Variants in ELMO1 observed in about 807,000 individuals in gnomAD.
The protein encoded by ELMO1 is engulfment and cell motility 1.
In ELMO1, 26 loss-of-function variants were observed where a neutral mutation model predicts 98.9. The ratio of observed to expected loss-of-function variants is 0.26; its 90% CI spans 0.19 to 0.36. The LOEUF (loss-of-function observed/expected upper bound fraction) is 0.36. ELMO1 is among the 10% of genes least tolerant of loss of function. The probability of loss-of-function intolerance (pLI) is 1.00; values close to 1 mark genes in which losing one functional copy is unlikely to be tolerated. For synonymous variants in ELMO1, 346 were observed against 346.0 expected (o/e 1.00, Z 0.00); for missense variants, 627 against 935.2 (o/e 0.67, Z 4.30).
chr7:37,012,714 T>G (rs1013421027), intron 16 of ELMO1, among the ~76,000 whole-genome samples: 4 of 152,132 alleles, frequency 2.6e-5, no homozygotes, highest in African/African-American at 9.7e-5. Flanking sequence ...CTAAAGGACA[T>G]CTCAGTTCAA....
At position 36,932,933 on chromosome 7, in the gene ELMO1, CAG is replaced by C. The variant is rs1015951809; in HGVS notation, c.1438-37918_1438-37917del. 2.0e-4 allele frequency among the ~76,000 whole-genome samples: 30 copies of C among 152,330 alleles called. 1 individual carries two copies. The highest frequency in any genetic ancestry group is 6.8e-3 in the Middle Eastern group (2 of 294). ...ATGTCTGAGATCCTCTGGGGTGCTG[CAG>C]AGACAGTGGGCGGATGCCTTCCCAG... On this transcript the variant is annotated intron_variant, in intron 16 of 21. Transcript: ENST00000310758.
At chr7:36,887,465 G>A in intron 18 of ELMO1, 95 bp downstream of exon 18, 1 of 1,127,036 alleles carries the variant, frequency 8.9e-7, no homozygotes, top group Admixed American at 2.0e-5. Flanking sequence ...ATGCTGCATG[G>A]CCTACCCGTA....
chr7:37,166,089 T>A (rs1157840839), intron 13 of ELMO1, among the ~76,000 whole-genome samples: 4 of 152,240 alleles, frequency 2.6e-5, no homozygotes. Flanking sequence ...GTCGAGGAAT[T>A]TATCCATTTC....
rs951288285 is a variant in ELMO1 at position 37,060,889 on chromosome 7, A to G, written c.1300+35730T>C. Among the ~76,000 whole-genome samples, 8 of 152,088 alleles carry G rather than the reference A, an allele frequency of 5.3e-5. 1 individual carries two copies. Among genetic ancestry groups the G allele is most frequent in the East Asian group, 1.9e-4 (1 of 5,186 alleles). On this transcript the variant is annotated intron_variant, in intron 15 of 21. Coordinates refer to ENST00000310758, the MANE Select transcript of ELMO1 (RefSeq NM_014800.11). ...TAGGGAGGAGGGAGGCACAGAGGGG[A>G]GAGGGGAGGACAGAGACACAGAAGG...
At chr7:37,444,465 T>C (rs1387126169) in intron 1 of ELMO1, among the ~76,000 whole-genome samples, 1 of 152,112 alleles carries the variant, frequency 6.6e-6, no homozygotes, top group African/African-American at 2.4e-5. Flanking sequence ...TTCTAGTTCC[T>C]CCAAGATGGC....
At chr7:37,424,869 T>TTAATAA (rs202107297) in intron 1 of ELMO1, among the ~76,000 whole-genome samples, 2 of 150,718 alleles carry the variant, frequency 1.3e-5, no homozygotes, top group Non-Finnish European at 1.5e-5. Context: ...TTATATATTT[T>TTAATAA]TAATAATAAT....
At chr7:37,306,787 T>C (rs1238105247) in intron 4 of ELMO1, among the ~76,000 whole-genome samples, 1 of 152,184 alleles carries the variant, frequency 6.6e-6, no homozygotes, top group African/African-American at 2.4e-5. Flanking sequence ...TAAAAACCAT[T>C]GCATTGTACA....
At chr7:37,071,424 C>T (rs549729149) in intron 15 of ELMO1, among the ~76,000 whole-genome samples, 6 of 152,254 alleles carry the variant, frequency 3.9e-5, no homozygotes, top group African/African-American at 4.8e-5. Flanking sequence ...GCTGGCCTCA[C>T]GCTCTCAAAA....
intron 13 of ELMO1, among the ~76,000 whole-genome samples, chr7:37,146,587 C>T (rs1011383436): frequency 1.1e-4 from 16 of 152,168 alleles, no homozygotes; most frequent in Non-Finnish European, 1.9e-4. Context: ...CTGTTGAAGG[C>T]CTCTGACTTT....
intron 1 of ELMO1, among the ~76,000 whole-genome samples, chr7:37,354,768 C>T (rs563693334): frequency 4.4e-4 from 67 of 152,186 alleles, no homozygotes; most frequent in Non-Finnish European, 8.8e-4. Context: ...AGTTCCCTAT[C>T]GCAGAAACCA....
chr7:36,981,802 T>C (rs1791075650), intron 16 of ELMO1, among the ~76,000 whole-genome samples: 1 of 152,242 alleles, frequency 6.6e-6, no homozygotes, highest in African/African-American at 2.4e-5. Context: ...GCTGTCCATC[T>C]TGAGTTCACC....
chr7:37,310,832 G>A (rs953445193), intron 4 of ELMO1, among the ~76,000 whole-genome samples: 4 of 152,244 alleles, frequency 2.6e-5, no homozygotes, highest in Non-Finnish European at 1.5e-5. Context: ...ACAAGTTGTT[G>A]AGTAACCTCT....
chr7:37,026,162 A>G (rs144500101), intron 15 of ELMO1, among the ~76,000 whole-genome samples: 15 of 152,288 alleles, frequency 9.8e-5, no homozygotes, highest in Non-Finnish European at 2.1e-4. Flanking sequence ...TACTGTGGAT[A>G]TAAGTAATTG....
At chr7:36,993,003 G>A (rs544332611) in intron 16 of ELMO1, among the ~76,000 whole-genome samples, 16 of 152,234 alleles carry the variant, frequency 1.1e-4, no homozygotes, top group African/African-American at 3.1e-4. Context: ...TCAGGGATGC[G>A]GGGAAGAATA....
chr7:37,297,551 A>G (rs190640463), intron 4 of ELMO1, among the ~76,000 whole-genome samples: 19 of 152,316 alleles, frequency 1.2e-4, no homozygotes, highest in Admixed American at 9.8e-4. Flanking sequence ...TTTATAATGA[A>G]ATAGTTAAGG....
Position 36,854,166 on chromosome 7 carries a change from A to G in ELMO1, c.*1385T>C, listed in dbSNP as rs1643448980. Among the ~76,000 whole-genome samples, 1 of 152,182 alleles carries G rather than the reference A, an allele frequency of 6.6e-6. No homozygotes were observed. The highest frequency in any genetic ancestry group is 2.4e-5 in the African/African-American group (1 of 41,406). The stretch of plus-strand genomic sequence containing the variant: ...GAAGTAACATTCTCCACTGATGCTC[A>G]GAGCCTATGGTGACCTAGCAATGGT... On this transcript the variant is annotated 3_prime_UTR_variant, in exon 22 of 22. Coordinates refer to ENST00000310758, the MANE Select transcript of ELMO1 (RefSeq NM_014800.11).
At chr7:37,066,096 G>T (rs565338616) in intron 15 of ELMO1, among the ~76,000 whole-genome samples, 10 of 152,284 alleles carry the variant, frequency 6.6e-5, no homozygotes, top group African/African-American at 2.4e-4. Context: ...TTCACCTTCA[G>T]CCATGACTGT....
rs572490808 is a variant in ELMO1, at chr7:37,445,695, T to G, written c.-74+2980A>C. 1.1e-3 allele frequency among the ~76,000 whole-genome samples: 170 copies of G among 152,156 alleles called. 1 individual carries two copies. The highest frequency in any genetic ancestry group is 3.9e-3 in the African/African-American group (161 of 41,542). ...GACTTAGCTGCACCTGCAGAACACC[T>G]TAATGTTTTCTCACTTTTATTTTTC... On this transcript the variant is annotated intron_variant, in intron 1 of 21. Transcript: ENST00000310758.
intron 16 of ELMO1, among the ~76,000 whole-genome samples, chr7:36,994,994 C>T (rs547732134): frequency 4.9e-4 from 75 of 152,324 alleles, no homozygotes; most frequent in Admixed American, 4.6e-4. Context: ...CCTAGACTGA[C>T]ACCACTGCTC....
Sources: allele counts gnomAD v4.1 joint callset (sites outside exome capture counted in the v4.1 genomes callset), GRCh38; gene constraint gnomAD v4.1.1; transcripts MANE v1.5; gene names NCBI Gene and HGNC (gene_info 2026-07-23, HGNC 2026-07-21).